TYW1: variants seen among roughly 807,000 people sequenced by gnomAD.
TYW1 encodes the protein S-adenosyl-L-methionine-dependent tRNA 4-demethylwyosine synthase TYW1.
In TYW1, 46 loss-of-function variants were observed where a neutral mutation model predicts 96.2. That is an observed-to-expected ratio of 0.48 (90% confidence interval 0.38 to 0.61). TYW1 has a LOEUF of 0.61. Ranked by LOEUF, TYW1 falls within the 20% of genes least tolerant of loss-of-function variation. The pLI is 0.00. For missense variants in TYW1, 684 were observed against 909.6 expected (o/e 0.75, Z 3.19); for synonymous variants, 274 against 323.0 (o/e 0.85, Z 1.63).
chr7:67,193,639 T>A (rs1800294830), intron 14 of TYW1, among the ~76,000 whole-genome samples: 1 of 151,884 alleles, frequency 6.6e-6, no homozygotes. Context: ...CGTGCCTGTA[T>A]TCCCAGCTAC....
chr7:67,096,267 G>A (rs1351795786), intron 11 of TYW1, among the ~76,000 whole-genome samples: 3 of 151,876 alleles, frequency 2.0e-5, no homozygotes, highest in African/African-American at 7.3e-5. Flanking sequence ...GTGGGCACCT[G>A]TAGTCCCAGC....
chr7:67,124,992 C>A (rs1428849804), intron 13 of TYW1, among the ~76,000 whole-genome samples: 1 of 152,106 alleles, frequency 6.6e-6, no homozygotes, highest in African/African-American at 2.4e-5. Flanking sequence ...CACCACCATG[C>A]CCAGCTAATT....
At chr7:67,021,567 T>G (rs1160536536) in intron 6 of TYW1, among the ~76,000 whole-genome samples, 1 of 151,960 alleles carries the variant, frequency 6.6e-6, no homozygotes, top group African/African-American at 2.4e-5. Flanking sequence ...CCTTTTCGTA[T>G]TCCTAAACCC....
intron 13 of TYW1, among the ~76,000 whole-genome samples, chr7:67,140,292 A>G (rs973700982): frequency 5.9e-5 from 9 of 152,190 alleles, no homozygotes; most frequent in Non-Finnish European, 1.2e-4. Flanking sequence ...TTTAGACTTT[A>G]TAAAATATTT....
intron 10 of TYW1, among the ~76,000 whole-genome samples, chr7:67,073,432 T>TA (rs1757004709): frequency 6.6e-6 from 1 of 152,142 alleles, no homozygotes; most frequent in Admixed American, 6.6e-5. Context: ...GGTCTACAGT[T>TA]ACTATTTCAG....
chr7:67,009,992 T>C (rs1409143890), intron 4 of TYW1, among the ~76,000 whole-genome samples: 3 of 150,728 alleles, frequency 2.0e-5, no homozygotes, highest in Admixed American at 6.6e-5. Flanking sequence ...TTTCTTTTTT[T>C]TTTTTTTTGA....
chr7:67,141,749 C>T (rs544100427), intron 13 of TYW1, among the ~76,000 whole-genome samples: 7 of 152,292 alleles, frequency 4.6e-5, no homozygotes, highest in Non-Finnish European at 8.8e-5. Flanking sequence ...AATGATAACA[C>T]ATGAGGCCAG....
intron 10 of TYW1, among the ~76,000 whole-genome samples, 184 bp downstream of exon 10, chr7:67,067,587 T>A (rs527422944): frequency 6.6e-6 from 1 of 152,206 alleles, no homozygotes; most frequent in African/African-American, 2.4e-5. Context: ...ACAAACACTG[T>A]GAGGAATTGC....
At chr7:67,223,902 C>T (rs1801475398) in intron 15 of TYW1, among the ~76,000 whole-genome samples, 2 of 151,656 alleles carry the variant, frequency 1.3e-5, no homozygotes, top group Admixed American at 1.3e-4. Context: ...AAAATAGTTA[C>T]ATCAGACAAA....
chr7:67,108,673 C>T (rs1236570950), intron 12 of TYW1, among the ~76,000 whole-genome samples: 1 of 151,286 alleles, frequency 6.6e-6, no homozygotes, highest in Non-Finnish European at 1.5e-5. Context: ...AACTCCTGAC[C>T]TCAGCTGCTT....
At chr7:67,015,668 T>G (rs902739218) in intron 5 of TYW1, among the ~76,000 whole-genome samples, 1 of 152,056 alleles carries the variant, frequency 6.6e-6, no homozygotes, top group Non-Finnish European at 1.5e-5. Flanking sequence ...TTTTAAGAAA[T>G]CATGAAATTT....
intron 14 of TYW1, among the ~76,000 whole-genome samples, chr7:67,189,437 G>T (rs1800137916): frequency 6.7e-6 from 1 of 149,760 alleles, no homozygotes; most frequent in Non-Finnish European, 1.5e-5. Flanking sequence ...TGTGTGGTAT[G>T]TGTATGTATG....
At chr7:67,155,941 A>T (rs1798956547) in intron 13 of TYW1, among the ~76,000 whole-genome samples, 1 of 150,432 alleles carries the variant, frequency 6.6e-6, no homozygotes, top group Non-Finnish European at 1.5e-5. Flanking sequence ...GCAGCAGTGT[A>T]GTCTTTTTAT....
At chr7:67,162,904 C>T (rs1055601491) in intron 13 of TYW1, among the ~76,000 whole-genome samples, 5 of 152,224 alleles carry the variant, frequency 3.3e-5, no homozygotes, top group Admixed American at 6.5e-5. Context: ...GAAAGCTCTT[C>T]TCCCAGATGG....
At chr7:67,185,638 C>A (rs1799994552) in intron 14 of TYW1, among the ~76,000 whole-genome samples, 1 of 151,776 alleles carries the variant, frequency 6.6e-6, no homozygotes, top group Admixed American at 6.6e-5. Context: ...TGTTGAGCTC[C>A]CTGTTGGCAA....
At chr7:67,154,230 G>A (rs1003003411) in intron 13 of TYW1, among the ~76,000 whole-genome samples, 6 of 152,142 alleles carry the variant, frequency 3.9e-5, no homozygotes, top group South Asian at 2.1e-4. Flanking sequence ...CCCATTTAAC[G>A]ACTTTCTGAT....
chr7:67,165,708 G>A (rs1307756100), intron 13 of TYW1, among the ~76,000 whole-genome samples: 1 of 151,970 alleles, frequency 6.6e-6, no homozygotes, highest in Non-Finnish European at 1.5e-5. Context: ...CAGGCAGATC[G>A]CTTGAGCTCA....
chr7:67,182,186 C>A (rs113094674), intron 13 of TYW1, among the ~76,000 whole-genome samples: 2,577 of 152,180 alleles, frequency 0.017, 66 homozygotes, highest in African/African-American at 0.058. Context: ...AATTTTTAAT[C>A]ATTTGTTTTG....
chr7:67,007,251 G>A (rs1341735737), intron 3 of TYW1, among the ~76,000 whole-genome samples: 1 of 151,970 alleles, frequency 6.6e-6, no homozygotes, highest in Non-Finnish European at 1.5e-5. Flanking sequence ...AGGATACCTG[G>A]GGGTGTTACC....
Sources: allele counts gnomAD v4.1 joint callset (sites outside exome capture counted in the v4.1 genomes callset), GRCh38; gene constraint gnomAD v4.1.1; transcripts MANE v1.5; gene names NCBI Gene and HGNC (gene_info 2026-07-23, HGNC 2026-07-21).